DLGAP2: variants seen among roughly 807,000 people sequenced by gnomAD.
DLGAP2 encodes disks large-associated protein 2.
A neutral mutation model predicts 100.3 loss-of-function variants in DLGAP2; 26 were observed. The observed-to-expected ratio is 0.26, with a 90% CI of 0.19 to 0.36. The LOEUF is 0.36. Among genes scored for constraint, DLGAP2 ranks in the 10% least tolerant of loss-of-function variants. DLGAP2 has a pLI of 1.00. For missense variants in DLGAP2, 1,858 were observed against 1,453.2 expected (o/e 1.28, Z -4.53); for synonymous variants, 886 against 630.1 (o/e 1.41, Z -6.08).
At chr8:843,758 G>A (rs1797025146) in intron 1 of DLGAP2, among the ~76,000 whole-genome samples, 1 of 152,234 alleles carries the variant, frequency 6.6e-6, no homozygotes, top group African/African-American at 2.4e-5. Flanking sequence ...TCCTCACGCA[G>A]AGTAGTTGTA....
At chr8:1,691,430 T>G in intron 12 of DLGAP2, 105 bp from the exon 13 acceptor site, 1 of 952,172 alleles carries the variant, frequency 1.1e-6, no homozygotes, top group Non-Finnish European at 1.6e-6. Context: ...TCGTCAGTTT[T>G]CATCTCCAGT....
At chr8:1,697,111 C>T (rs375409875) in intron 13 of DLGAP2, 36 bp from the exon 14 acceptor site, 93 of 1,495,206 alleles carry the variant, frequency 6.2e-5, no homozygotes, top group Non-Finnish European at 7.7e-5. Context: ...CCGCAGGAGA[C>T]TCTCCTGGCT....
At chr8:898,695 C>G (rs948999964) in intron 1 of DLGAP2, among the ~76,000 whole-genome samples, 1 of 152,184 alleles carries the variant, frequency 6.6e-6, no homozygotes, top group African/African-American at 2.4e-5. Flanking sequence ...CCTGCATTCC[C>G]AGCTCTAAGA....
chr8:1,436,266 C>G (rs527487716), intron 3 of DLGAP2, among the ~76,000 whole-genome samples: 1 of 152,158 alleles, frequency 6.6e-6, no homozygotes, highest in Non-Finnish European at 1.5e-5. Context: ...GAGCCCCGGG[C>G]AAACCACTGG....
intron 2 of DLGAP2, among the ~76,000 whole-genome samples, chr8:1,076,429 C>G (rs999162646): frequency 6.6e-6 from 1 of 152,186 alleles, no homozygotes; most frequent in Non-Finnish European, 1.5e-5. Flanking sequence ...TGCGGAAAGT[C>G]GGATGGGTTA....
At chr8:923,651 C>T (rs185770789) in intron 2 of DLGAP2, among the ~76,000 whole-genome samples, 4 of 152,286 alleles carry the variant, frequency 2.6e-5, no homozygotes, top group East Asian at 1.9e-4. Context: ...AGTTTAGAGA[C>T]CCCTCTGAGC....
rs867730962 is a variant in DLGAP2, at chr8:974,029, T to C, written c.73+66063T>C. Among the ~76,000 whole-genome samples the C allele has an allele frequency of 1.3e-3, 196 of 151,392 alleles. 1 individual carries two copies. Among genetic ancestry groups the C allele is most frequent in the African/African-American group, 4.6e-3 (189 of 41,268 alleles). On this transcript the variant is annotated intron_variant, in intron 2 of 14. Transcript: ENST00000637795. ...GAATATTGAAGAACTGTAGGAGAAA[T>C]ACAAAAGAAGTAACATATGTGGAAT...
At chr8:1,236,107 ACCATGTCTAGTTCTCTCACATGTTG>A (rs1798646544) in intron 2 of DLGAP2, among the ~76,000 whole-genome samples, 1 of 50,206 alleles carries the variant, frequency 2.0e-5, no homozygotes, top group African/African-American at 9.3e-5. Flanking sequence ...CTCACATGGT[ACCATGTCTAGTTCTCTCACATGTTG>A]CCGTGTCTAG....
At chr8:1,494,055 A>G (rs1033424220) in intron 3 of DLGAP2, among the ~76,000 whole-genome samples, 5 of 152,152 alleles carry the variant, frequency 3.3e-5, no homozygotes, top group African/African-American at 1.2e-4. Flanking sequence ...GGGGGGCAGT[A>G]GGATGAACCC....
chr8:1,066,128 C>T (rs7014751), intron 2 of DLGAP2, among the ~76,000 whole-genome samples: 1 of 151,692 alleles, frequency 6.6e-6, no homozygotes. Flanking sequence ...ACGGTCAGGT[C>T]TGAGCGAGGA....
intron 3 of DLGAP2, among the ~76,000 whole-genome samples, chr8:1,342,345 C>T (rs1245866179): frequency 6.6e-6 from 1 of 152,150 alleles, no homozygotes; most frequent in East Asian, 1.9e-4. Context: ...ATTGCTGGGT[C>T]CCACAGATGA....
intron 3 of DLGAP2, among the ~76,000 whole-genome samples, chr8:1,364,507 G>GT (rs1017381445): frequency 6.7e-5 from 10 of 150,000 alleles, no homozygotes; most frequent in South Asian, 2.1e-4. Context: ...AAGGGCGGGG[G>GT]GGGTGCAGCG....
intron 1 of DLGAP2, among the ~76,000 whole-genome samples, chr8:798,847 G>A (rs1796090436): frequency 6.6e-6 from 1 of 150,718 alleles, no homozygotes; most frequent in Admixed American, 6.6e-5. Flanking sequence ...GCAAACGCTT[G>A]TTGAGTCAGG....
At chr8:1,156,367 C>T (rs968653323) in intron 2 of DLGAP2, among the ~76,000 whole-genome samples, 2 of 152,174 alleles carry the variant, frequency 1.3e-5, no homozygotes, top group Non-Finnish European at 1.5e-5. Flanking sequence ...GGGGAGGCGG[C>T]GGTGGCCTCA....
Position 1,681,159 on chromosome 8 carries a change from C to T in DLGAP2, c.2704+2530C>T, listed in dbSNP as rs143842927. Among the ~76,000 whole-genome samples, 220 of 152,200 alleles carry T rather than the reference C, an allele frequency of 1.4e-3. 4 individuals carry two copies. Among genetic ancestry groups the T allele is most frequent in the African/African-American group, 4.8e-3 (199 of 41,504 alleles). Reference sequence around the variant, plus strand: ...TATTATCATTTGAGTTTATCCCATTCGGGACACATTCAGAAAGTTGTAGTC... The same window carrying T: ...TATTATCATTTGAGTTTATCCCATTTGGGACACATTCAGAAAGTTGTAGTC... On this transcript the variant is annotated intron_variant, in intron 12 of 14. Transcript: ENST00000637795.
At chr8:1,434,174 T>C (rs1168985207) in intron 3 of DLGAP2, among the ~76,000 whole-genome samples, 1 of 152,132 alleles carries the variant, frequency 6.6e-6, no homozygotes, top group African/African-American at 2.4e-5. Context: ...CGTCAGCAGC[T>C]CAGCCGCTCT....
At chr8:1,631,595 G>C (rs1377344591) in intron 7 of DLGAP2, among the ~76,000 whole-genome samples, 1 of 152,132 alleles carries the variant, frequency 6.6e-6, no homozygotes, top group Non-Finnish European at 1.5e-5. Flanking sequence ...TCCAGTGTCA[G>C]GAATCCTCAG....
intron 1 of DLGAP2, among the ~76,000 whole-genome samples, chr8:755,446 G>C (rs1044379388): frequency 3.3e-5 from 5 of 152,194 alleles, no homozygotes; most frequent in Non-Finnish European, 5.9e-5. Flanking sequence ...GACAGAGCAA[G>C]ACCCTGTCTC....
intron 2 of DLGAP2, among the ~76,000 whole-genome samples, chr8:1,164,729 C>T (rs1210074874): frequency 6.6e-6 from 1 of 152,136 alleles, no homozygotes; most frequent in Non-Finnish European, 1.5e-5. Context: ...CTGACTCCTC[C>T]AGGCCCGAAA....
Sources: allele counts gnomAD v4.1 joint callset (sites outside exome capture counted in the v4.1 genomes callset), GRCh38; gene constraint gnomAD v4.1.1; transcripts MANE v1.5; gene names NCBI Gene and HGNC (gene_info 2026-07-23, HGNC 2026-07-21).